The following SGCG variants were observed in gnomAD, a reference collection of about 807,000 sequenced individuals.
SGCG encodes the protein sarcoglycan gamma, also known as gamma-sarcoglycan.
SGCG carries 26 observed loss-of-function variants against 29.3 expected under a neutral mutation model. The ratio of observed to expected loss-of-function variants is 0.89; its 90% CI spans 0.65 to 1.23. SGCG has a LOEUF of 1.23. Ranked by LOEUF, SGCG falls within the 50% of genes most tolerant of loss-of-function variation. The pLI, the probability that SGCG is intolerant of heterozygous loss-of-function variation, is 0.00. For missense variants in SGCG, 353 were observed against 356.0 expected (o/e 0.99, Z 0.07); for synonymous variants, 145 against 129.7 (o/e 1.12, Z -0.80).
At chr13:23,255,630 T>G (rs998308912) in intron 4 of SGCG, among the ~76,000 whole-genome samples, 1 of 152,158 alleles carries the variant, frequency 6.6e-6, no homozygotes, top group African/African-American at 2.4e-5. Flanking sequence ...TACAGGTAGA[T>G]CCCTCATGAT....
upstream of SGCG, among the ~76,000 whole-genome samples, chr13:23,180,067 T>A (rs1188838875): frequency 6.6e-6 from 1 of 152,118 alleles, no homozygotes; most frequent in Admixed American, 6.5e-5. Flanking sequence ...ATCTGATTGT[T>A]CCCATCTCTG....
At chr13:23,196,374 TG>T (rs200408918) in intron 1 of SGCG, among the ~76,000 whole-genome samples, 1 of 71,140 alleles carries the variant, frequency 1.4e-5, no homozygotes, top group African/African-American at 5.8e-5. Flanking sequence ...CAATATCTTT[TG>T]GGGGGGTTAT....
At chr13:23,275,917 G>A (rs550468174) in intron 4 of SGCG, among the ~76,000 whole-genome samples, 1 of 152,254 alleles carries the variant, frequency 6.6e-6, no homozygotes, top group East Asian at 1.9e-4. Context: ...AGGAACAAAA[G>A]AAGTTTGCTA....
chr13:23,281,499 A>C (rs1450922696), intron 5 of SGCG, among the ~76,000 whole-genome samples: 1 of 152,124 alleles, frequency 6.6e-6, no homozygotes, highest in Non-Finnish European at 1.5e-5. Context: ...TGGGGACCAC[A>C]CTTTGAGAAC....
At chr13:23,311,079 C>A (rs995815931) in intron 6 of SGCG, among the ~76,000 whole-genome samples, 1 of 152,048 alleles carries the variant, frequency 6.6e-6, no homozygotes. Flanking sequence ...ACATTTGTTC[C>A]CTGTGTCTGA....
chr13:23,211,047 T>G (rs1206177914), intron 2 of SGCG, among the ~76,000 whole-genome samples: 1 of 152,192 alleles, frequency 6.6e-6, no homozygotes, highest in African/African-American at 2.4e-5. Context: ...AAATACCATC[T>G]GTATTACTGA....
At chr13:23,320,917 T>G (rs767061219) in intron 7 of SGCG, among the ~76,000 whole-genome samples, 157 bp downstream of exon 7, 1 of 152,156 alleles carries the variant, frequency 6.6e-6, no homozygotes, top group Non-Finnish European at 1.5e-5. Flanking sequence ...AAAAGACAAT[T>G]TAGCATTGAA....
At chr13:23,279,095 TAAAG>T (rs769667910) in intron 4 of SGCG, among the ~76,000 whole-genome samples, 4 of 152,204 alleles carry the variant, frequency 2.6e-5, no homozygotes, top group Non-Finnish European at 5.9e-5. Context: ...TTTAAAATCT[TAAAG>T]AAGAAACTCT....
chr13:23,216,686 A>G (rs1878442023), intron 2 of SGCG, among the ~76,000 whole-genome samples: 1 of 152,122 alleles, frequency 6.6e-6, no homozygotes, highest in Admixed American at 6.6e-5. Flanking sequence ...AGGTATATAT[A>G]CATTGTTGTC....
At chr13:23,250,965 A>G (rs560494313) in intron 4 of SGCG, among the ~76,000 whole-genome samples, 20 of 152,338 alleles carry the variant, frequency 1.3e-4, no homozygotes, top group African/African-American at 4.3e-4. Context: ...AGCTAGTACA[A>G]GAAACAAAAT....
the SGCG span, among the ~76,000 whole-genome samples, chr13:23,169,673 ATC>A: frequency 0.72 from 99,302 of 137,966 alleles, 34,764 homozygotes; most frequent in East Asian, 0.78. Context: ...GAGAGACTCC[ATC>A]TCTCTCTCTC....
intron 2 of SGCG, among the ~76,000 whole-genome samples, chr13:23,217,871 A>C (rs539352001): frequency 1.3e-5 from 2 of 152,230 alleles, no homozygotes; most frequent in South Asian, 4.1e-4. Flanking sequence ...GATGTCATAA[A>C]TGGTGGTAGT....
At chr13:23,250,805 C>A in intron 4 of SGCG, 88 bp downstream of exon 4, 1 of 815,986 alleles carries the variant, frequency 1.2e-6, no homozygotes, top group South Asian at 1.4e-5. Flanking sequence ...CTAAAGAAAT[C>A]AAAGCTACTT....
At chr13:23,313,866 C>T (rs545078191) in intron 6 of SGCG, among the ~76,000 whole-genome samples, 18 of 152,246 alleles carry the variant, frequency 1.2e-4, no homozygotes, top group Non-Finnish European at 2.4e-4. Flanking sequence ...ACCCTTAACC[C>T]CAGTGGGCAC....
intron 5 of SGCG, among the ~76,000 whole-genome samples, chr13:23,283,502 A>G (rs1264676008): frequency 1.3e-5 from 2 of 151,986 alleles, no homozygotes; most frequent in East Asian, 1.9e-4. Flanking sequence ...TTTTGAGCCT[A>G]TGTGTGTTTC....
chr13:23,309,882 G>GT (rs1882497356), intron 6 of SGCG, among the ~76,000 whole-genome samples: 1 of 151,820 alleles, frequency 6.6e-6, no homozygotes, highest in Admixed American at 6.6e-5. Context: ...CATTTTGGTT[G>GT]TTTCCTTGCT....
intron 2 of SGCG, among the ~76,000 whole-genome samples, chr13:23,204,182 G>C (rs1877889223): frequency 6.6e-6 from 1 of 151,068 alleles, no homozygotes; most frequent in Admixed American, 6.6e-5. Context: ...ATTGAGTCAG[G>C]ATTATTTGCT....
At chr13:23,215,412 T>G (rs965731298) in intron 2 of SGCG, among the ~76,000 whole-genome samples, 1 of 152,188 alleles carries the variant, frequency 6.6e-6, no homozygotes, top group African/African-American at 2.4e-5. Flanking sequence ...AAAGCCTACT[T>G]TGAGATACTG....
At chr13:23,223,993 T>A (rs1242306439) in intron 2 of SGCG, among the ~76,000 whole-genome samples, 2 of 152,086 alleles carry the variant, frequency 1.3e-5, no homozygotes, top group Non-Finnish European at 2.9e-5. Flanking sequence ...GGAGATTCAA[T>A]CAAAGGTGTT....
Sources: allele counts gnomAD v4.1 joint callset (sites outside exome capture counted in the v4.1 genomes callset), GRCh38; gene constraint gnomAD v4.1.1; transcripts MANE v1.5; gene names NCBI Gene and HGNC (gene_info 2026-07-23, HGNC 2026-07-21).